The following SYNJ1 variants were observed in gnomAD, a reference collection of about 807,000 sequenced individuals.
SYNJ1 encodes synaptojanin 1.
In SYNJ1, 78 loss-of-function variants were observed where a neutral mutation model predicts 168.2. The ratio of observed to expected loss-of-function variants is 0.46; its 90% CI spans 0.39 to 0.56. SYNJ1 has a LOEUF of 0.56. Among genes scored for constraint, SYNJ1 ranks in the 20% least tolerant of loss-of-function variants. The pLI, the probability that SYNJ1 is intolerant of heterozygous loss-of-function variation, is 0.00. For missense variants in SYNJ1, 1,303 were observed against 1,597.6 expected, an observed-to-expected ratio of 0.82 and a Z score of 3.14; for synonymous variants, 539 against 548.6, an observed-to-expected ratio of 0.98 and a Z score of 0.24.
chr21:32,701,560 G>T (rs1174634699), intron 3 of SYNJ1, among the ~76,000 whole-genome samples: 2 of 147,172 alleles, frequency 1.4e-5, no homozygotes, highest in Non-Finnish European at 1.5e-5. Flanking sequence ...AAAAAAAAAG[G>T]CTCAAGCAGA....
intron 21 of SYNJ1, chr21:32,653,736 C>A: frequency 6.1e-6 from 1 of 164,042 alleles, no homozygotes; most frequent in Non-Finnish European, 1.3e-5. Flanking sequence ...GGCTGGGATC[C>A]AAGTCTCCGG....
intron 21 of SYNJ1, chr21:32,653,841 G>GA (rs1053595182): frequency 6.6e-6 from 1 of 152,226 alleles, no homozygotes; most frequent in Admixed American, 6.5e-5. Context: ...GCCAGTGAAA[G>GA]AAAACAAAAC....
At chr21:32,702,593 C>T (rs905325397) in intron 2 of SYNJ1, among the ~76,000 whole-genome samples, 2 of 152,132 alleles carry the variant, frequency 1.3e-5, no homozygotes, top group South Asian at 2.1e-4. Context: ...CTTCCTAGCA[C>T]TTAGCAATTA....
intron 2 of SYNJ1, among the ~76,000 whole-genome samples, chr21:32,712,724 A>AATTTAT (rs1260033904): frequency 1.3e-5 from 2 of 152,338 alleles, no homozygotes; most frequent in East Asian, 3.9e-4. Flanking sequence ...AAATTATAGT[A>AATTTAT]AGTACTATAA....
intron 11 of SYNJ1, among the ~76,000 whole-genome samples, chr21:32,680,208 T>C (rs1314174525): frequency 6.6e-6 from 1 of 152,074 alleles, no homozygotes; most frequent in Non-Finnish European, 1.5e-5. Context: ...CAAAAGAAAC[T>C]TTGCAGGTAA....
In SYNJ1 at chr21:32,678,814, T is replaced by C; in HGVS notation, c.1354-13A>G. The C allele has an allele frequency of 6.3e-7, 1 of 1,599,746 alleles. No homozygotes were observed. The highest frequency in any genetic ancestry group is 8.5e-7 in the Non-Finnish European group (1 of 1,176,604). On this transcript the variant is annotated splice_polypyrimidine_tract_variant and intron_variant, in intron 11 of 32. Transcript: ENST00000674351. ...CACCATCTTTTAACTTTCCAGCCTG[T>C]TAAGAAAGGAGCGCAGATTTTCATT...
At chr21:32,642,196 C>T in intron 27 of SYNJ1, 63 bp from the exon 28 acceptor site, 2 of 1,579,454 alleles carry the variant, frequency 1.3e-6, no homozygotes, top group East Asian at 2.2e-5. Context: ...TATTGCATAA[C>T]ATCAGCTTGC....
At chr21:32,714,657 A>C (rs950520460) in intron 2 of SYNJ1, among the ~76,000 whole-genome samples, 4 of 152,212 alleles carry the variant, frequency 2.6e-5, no homozygotes, top group African/African-American at 4.8e-5. Flanking sequence ...AGACTGAAGG[A>C]AAGATCAGGT....
chr21:32,724,496 A>G (rs859789), intron 2 of SYNJ1, among the ~76,000 whole-genome samples: 12,219 of 152,262 alleles, frequency 0.08, 637 homozygotes, highest in South Asian at 0.16. Flanking sequence ...TCAAAAAACA[A>G]ACAAGCAAAC....
In SYNJ1 at chr21:32,653,306, C is replaced by T; in HGVS notation, c.2856G>A (p.Leu952=). 6.2e-7 allele frequency: 1 copy of T among 1,613,726 alleles called. No individual in the cohort carries two copies. The highest frequency in any genetic ancestry group is 8.5e-7 in the Non-Finnish European group (1 of 1,179,692). Residue 952 remains leucine, a synonymous_variant, in exon 22 of 33, where the codon CTG becomes CTA. Coordinates refer to ENST00000674351, the MANE Select transcript of SYNJ1 (RefSeq NM_203446.3). ...FLEGSSALNV[L]SLNGKELLNR... ...ACCTTACCTCTTTACCATTTAGGCT[C>T]AGAACATTCAAGGCAGAGCTTCCCT...
chr21:32,719,483 G>A (rs1167187498), intron 2 of SYNJ1, among the ~76,000 whole-genome samples: 1 of 152,222 alleles, frequency 6.6e-6, no homozygotes, highest in Non-Finnish European at 1.5e-5. Flanking sequence ...GAAGGCCATG[G>A]TGGGCAGATC....
rs2040798462 is a variant in SYNJ1 at position 32,663,480 on chromosome 21, TG to T, written c.2304+1432del. Among the ~76,000 whole-genome samples, 3 of 152,200 alleles carry T rather than the reference TG, an allele frequency of 2.0e-5. No homozygotes were observed. In the South Asian group the frequency reaches 6.2e-4, roughly 32 times the overall value. On this transcript the variant is annotated intron_variant, in intron 18 of 32. Coordinates refer to ENST00000674351, the MANE Select transcript of SYNJ1 (RefSeq NM_203446.3). ...CCCCCACTGGATTATACTGTATATG[TG>T]GGCATAGAGCTTGTGCCAAATTATC...
intron 32 of SYNJ1, among the ~76,000 whole-genome samples, chr21:32,632,769 C>T (rs1472739170): frequency 1.3e-5 from 2 of 152,172 alleles, no homozygotes; most frequent in East Asian, 3.9e-4. Context: ...CCTATAATCC[C>T]TGCACTTTGT....
Position 32,666,118 on chromosome 21 carries a change from G to A in SYNJ1, c.1970C>T (p.Thr657Ile). Residue 657 changes from threonine (T) to isoleucine (I), a missense_variant, in exon 17 of 33, where the codon ACT (threonine) becomes ATT (isoleucine). Around this residue, in one of 2 missense-constraint regions of SYNJ1, gnomAD observed 920 missense variants for 1,208.8 expected, o/e 0.76. Coordinates refer to ENST00000674351, the MANE Select transcript of SYNJ1 (RefSeq NM_203446.3). ...APFIRDVAVD[T>I]VKTGMGGATG... is the part of the protein sequence containing the mutation. Reference sequence around the variant, plus strand: ...TGCACCTCCCATTCCAGTCTTCACAGTATCAACTGCAACATCCCTTTGAAA... The same window carrying A: ...TGCACCTCCCATTCCAGTCTTCACAATATCAACTGCAACATCCCTTTGAAA... 1 of 1,601,982 alleles carries A rather than the reference G, an allele frequency of 6.2e-7. No individual in the cohort carries two copies. Among genetic ancestry groups the A allele is most frequent in the Non-Finnish European group, 8.5e-7 (1 of 1,176,096 alleles).
At chr21:32,672,503 C>G (rs2041245053) in intron 14 of SYNJ1, among the ~76,000 whole-genome samples, 1 of 151,978 alleles carries the variant, frequency 6.6e-6, no homozygotes, top group Non-Finnish European at 1.5e-5. Context: ...CCACACCCGG[C>G]TAATTTTTTT....
intron 2 of SYNJ1, among the ~76,000 whole-genome samples, chr21:32,707,791 TG>T (rs2042668570): frequency 1.3e-5 from 2 of 152,286 alleles, no homozygotes; most frequent in South Asian, 2.1e-4. Context: ...ATATATAAAG[TG>T]GATCACCTGA....
intron 6 of SYNJ1, among the ~76,000 whole-genome samples, chr21:32,693,583 C>T (rs572653134): frequency 6.6e-6 from 1 of 152,158 alleles, no homozygotes; most frequent in South Asian, 2.1e-4. Flanking sequence ...ACTATACATA[C>T]CCAGATCCTA....
intron 31 of SYNJ1, among the ~76,000 whole-genome samples, chr21:32,635,966 A>C (rs1245536149): frequency 1.3e-5 from 2 of 152,212 alleles, no homozygotes; most frequent in African/African-American, 4.8e-5. Flanking sequence ...ACTAAATAGC[A>C]AAACTAATTT....
intron 12 of SYNJ1, 129 bp from the exon 13 acceptor site, chr21:32,676,484 T>A: frequency 2.6e-6 from 2 of 780,758 alleles, no homozygotes; most frequent in Non-Finnish European, 4.1e-6. Flanking sequence ...TATTTTTTTC[T>A]GATAGCTATA....
Sources: allele counts gnomAD v4.1 joint callset (sites outside exome capture counted in the v4.1 genomes callset), GRCh38; gene constraint gnomAD v4.1.1; regional missense constraint gnomAD v4.1.1; transcripts MANE v1.5; gene names NCBI Gene and HGNC (gene_info 2026-07-23, HGNC 2026-07-21).